SPAG16: variants seen among roughly 807,000 people sequenced by gnomAD.
SPAG16 encodes the protein sperm-associated antigen 16 protein.
SPAG16 carries 86 observed loss-of-function variants against 80.4 expected under a neutral mutation model. That is an observed-to-expected ratio of 1.07 (90% CI 0.90 to 1.28). SPAG16 has a LOEUF of 1.28. Among genes scored for constraint, SPAG16 ranks in the 50% most tolerant of loss-of-function variants. SPAG16 has a pLI of 0.00. For missense variants in SPAG16, 870 were observed against 765.3 expected, an observed-to-expected ratio of 1.14 and a Z score of -1.61; for synonymous variants, 294 against 265.9, an observed-to-expected ratio of 1.11 and a Z score of -1.03.
chr2:213,575,605 A>G (rs969011308), intron 10 of SPAG16, among the ~76,000 whole-genome samples: 2 of 152,140 alleles, frequency 1.3e-5, no homozygotes, highest in Non-Finnish European at 2.9e-5. Context: ...TAATAAAGAC[A>G]TTGAATATTA....
chr2:214,269,634 A>G (rs1305040794), intron 15 of SPAG16, among the ~76,000 whole-genome samples: 1 of 152,132 alleles, frequency 6.6e-6, no homozygotes, highest in Non-Finnish European at 1.5e-5. Flanking sequence ...TGCCATAAGA[A>G]TTATATTGCA....
intron 13 of SPAG16, among the ~76,000 whole-genome samples, chr2:214,058,134 T>C (rs893698359): frequency 2.0e-5 from 3 of 152,312 alleles, no homozygotes; most frequent in South Asian, 2.1e-4. Flanking sequence ...AACTTTTCCA[T>C]TGCATTCATA....
chr2:214,074,767 A>G (rs1459710403), intron 13 of SPAG16, among the ~76,000 whole-genome samples: 2 of 152,176 alleles, frequency 1.3e-5, no homozygotes, highest in Non-Finnish European at 2.9e-5. Flanking sequence ...TCAAAGGACT[A>G]ATAAATATAT....
At chr2:213,510,625 T>C (rs561708187) in intron 10 of SPAG16, among the ~76,000 whole-genome samples, 2 of 152,302 alleles carry the variant, frequency 1.3e-5, no homozygotes, top group African/African-American at 4.8e-5. Context: ...ATGTGGGTTT[T>C]CGCGTTACAC....
At chr2:213,885,520 C>G (rs1204050510) in intron 11 of SPAG16, among the ~76,000 whole-genome samples, 2 of 152,248 alleles carry the variant, frequency 1.3e-5, no homozygotes, top group East Asian at 3.9e-4. Flanking sequence ...TAATTAGTTA[C>G]AGTTGGTGTT....
At chr2:214,024,477 T>C (rs1302108248) in intron 13 of SPAG16, among the ~76,000 whole-genome samples, 1 of 151,606 alleles carries the variant, frequency 6.6e-6, no homozygotes, top group Non-Finnish European at 1.5e-5. Flanking sequence ...TTAAATGATA[T>C]CTAAAATGAA....
intron 9 of SPAG16, among the ~76,000 whole-genome samples, chr2:213,458,984 A>G (rs1457763122): frequency 2.0e-5 from 3 of 152,152 alleles, no homozygotes; most frequent in African/African-American, 2.4e-5. Context: ...CTCAGCCATT[A>G]TCTCCTAAAA....
At chr2:214,280,978 C>G (rs189345656) in intron 15 of SPAG16, 3 of 448,626 alleles carry the variant, frequency 6.7e-6, no homozygotes, top group Non-Finnish European at 1.3e-5. Flanking sequence ...GAATCATAAC[C>G]GGGAATCGTT....
At chr2:214,065,178 T>C (rs1031779474) in intron 13 of SPAG16, among the ~76,000 whole-genome samples, 1 of 152,106 alleles carries the variant, frequency 6.6e-6, no homozygotes, top group Non-Finnish European at 1.5e-5. Context: ...TCAACACTTA[T>C]ATATTATTGT....
At chr2:214,164,585 A>G (rs1022978499) in intron 15 of SPAG16, among the ~76,000 whole-genome samples, 1 of 152,170 alleles carries the variant, frequency 6.6e-6, no homozygotes, top group African/African-American at 2.4e-5. Context: ...TGTGGCACCA[A>G]CGCTGGTCTT....
At chr2:214,158,774 C>A (rs923433979) in intron 15 of SPAG16, among the ~76,000 whole-genome samples, 1 of 151,892 alleles carries the variant, frequency 6.6e-6, no homozygotes, top group African/African-American at 2.4e-5. Flanking sequence ...TAGGTATAGA[C>A]AATCAAAAGG....
At chr2:214,276,097 C>T (rs944659868) in intron 15 of SPAG16, among the ~76,000 whole-genome samples, 1 of 152,110 alleles carries the variant, frequency 6.6e-6, no homozygotes, top group Non-Finnish European at 1.5e-5. Context: ...TCTGTTTTAT[C>T]AGAGACTAGA....
chr2:213,404,749 C>T (rs189256196), intron 9 of SPAG16, among the ~76,000 whole-genome samples: 1 of 152,204 alleles, frequency 6.6e-6, no homozygotes, highest in Admixed American at 6.5e-5. Context: ...GTCCAGTTCT[C>T]TTTCTATATG....
chr2:213,933,074 A>G (rs1309988375), intron 12 of SPAG16, among the ~76,000 whole-genome samples: 1 of 152,110 alleles, frequency 6.6e-6, no homozygotes, highest in East Asian at 1.9e-4. Flanking sequence ...AAATATGGCA[A>G]AAGTATTCTA....
chr2:213,676,045 A>C (rs994566800), intron 10 of SPAG16, among the ~76,000 whole-genome samples: 3 of 152,086 alleles, frequency 2.0e-5, no homozygotes, highest in South Asian at 2.1e-4. Flanking sequence ...ATTTGTTTGT[A>C]TCCTCTTTTA....
intron 10 of SPAG16, among the ~76,000 whole-genome samples, chr2:213,726,312 G>C (rs1391482017): frequency 1.3e-5 from 2 of 152,198 alleles, no homozygotes. Context: ...GCAGGACTGA[G>C]ATCCAGTCCT....
At chr2:213,889,689 A>G (rs538707505) in intron 11 of SPAG16, among the ~76,000 whole-genome samples, 14 of 146,316 alleles carry the variant, frequency 9.6e-5, no homozygotes, top group South Asian at 2.1e-4. Context: ...ATATACATAT[A>G]CATATATATA....
intron 10 of SPAG16, among the ~76,000 whole-genome samples, chr2:213,759,669 G>T: frequency 6.6e-6 from 1 of 151,770 alleles, no homozygotes; most frequent in Admixed American, 6.6e-5. Flanking sequence ...AATCACTAAA[G>T]AAAATAAAAT....
intron 15 of SPAG16, among the ~76,000 whole-genome samples, chr2:214,223,128 C>T (rs1421893657): frequency 1.3e-5 from 2 of 151,546 alleles, no homozygotes; most frequent in African/African-American, 4.9e-5. Flanking sequence ...TTATTATGAA[C>T]TATTTTTTAT....
Sources: allele counts gnomAD v4.1 joint callset (sites outside exome capture counted in the v4.1 genomes callset), GRCh38; gene constraint gnomAD v4.1.1; transcripts MANE v1.5; gene names NCBI Gene and HGNC (gene_info 2026-07-23, HGNC 2026-07-21).